The following PDE10A variants were observed in gnomAD, a reference collection of about 807,000 sequenced individuals.
PDE10A encodes phosphodiesterase 10A, also known as cAMP and cAMP-inhibited cGMP 3',5'-cyclic phosphodiesterase 10A.
In PDE10A, 39 loss-of-function variants were observed where a neutral mutation model predicts 97.7. The ratio of observed to expected loss-of-function variants is 0.40; its 90% confidence interval spans 0.31 to 0.52. The LOEUF (loss-of-function observed/expected upper bound fraction) is 0.52. Among genes scored for constraint, PDE10A ranks in the 20% least tolerant of loss-of-function variants. The pLI is 0.56. For missense variants in PDE10A, 731 were observed against 1,047.8 expected (o/e 0.70, Z 4.17); for synonymous variants, 371 against 376.8 (o/e 0.98, Z 0.18).
chr6:165,340,744 C>A (rs568129694), intron 19 of PDE10A, among the ~76,000 whole-genome samples: 1 of 152,322 alleles, frequency 6.6e-6, no homozygotes, highest in South Asian at 2.1e-4. Flanking sequence ...ATGCTCCAGG[C>A]AGAGACTGCA....
intron 1 of PDE10A, among the ~76,000 whole-genome samples, chr6:165,557,684 A>C (rs998183847): frequency 6.6e-6 from 1 of 152,176 alleles, no homozygotes; most frequent in Non-Finnish European, 1.5e-5. Context: ...TTATCAATTC[A>C]CCCAAGAATT....
chr6:165,678,250 TGTGTATCG>T, intron 1 of PDE10A, among the ~76,000 whole-genome samples: 1 of 151,062 alleles, frequency 6.6e-6, no homozygotes, highest in Admixed American at 6.6e-5. Flanking sequence ...TATCTGTGAA[TGTGTATCG>T]GTGTGTCTGT....
At chr6:165,502,162 C>T (rs901667793) in intron 2 of PDE10A, among the ~76,000 whole-genome samples, 5 of 152,080 alleles carry the variant, frequency 3.3e-5, no homozygotes, top group African/African-American at 9.7e-5. Context: ...AGGGTGAAAA[C>T]TGTAAAATGT....
chr6:165,619,517 GTGTAGTGTAGTGTAGT>G (rs1787994110), intron 1 of PDE10A, among the ~76,000 whole-genome samples: 1 of 128,392 alleles, frequency 7.8e-6, no homozygotes, highest in African/African-American at 2.9e-5. Context: ...GTGTAGTCTA[GTGTAGTGTAGTGTAGT>G]CTAATGTAGT....
In PDE10A at chr6:165,758,035, T is replaced by A. The variant is rs112711372; in HGVS notation, c.-614-214467A>T. Among the ~76,000 whole-genome samples, 39 of 152,362 alleles carry A rather than the reference T, an allele frequency of 2.6e-4. 1 individual carries two copies. The highest frequency in any genetic ancestry group is 3.4e-3 in the Middle Eastern group (1 of 294). The stretch of plus-strand genomic sequence containing the variant: ...GTATCCATATGTATTATTTCTTTGA[T>A]GAACATATATTCTTCACCTGAACTG... On this transcript the variant is annotated intron_variant, in intron 1 of 19. Transcript: ENST00000366882.
At chr6:165,334,813 A>G (rs959222751) in intron 21 of PDE10A, among the ~76,000 whole-genome samples, 1 of 152,164 alleles carries the variant, frequency 6.6e-6, no homozygotes, top group African/African-American at 2.4e-5. Context: ...GGAAGGAAGG[A>G]GAAACCGTTT....
intron 3 of PDE10A, among the ~76,000 whole-genome samples, chr6:165,479,800 A>C (rs1398523633): frequency 2.0e-5 from 3 of 152,206 alleles, no homozygotes; most frequent in Admixed American, 6.5e-5. Context: ...ATAGGTAAGA[A>C]GACAGGGAAA....
At chr6:165,552,952 A>G (rs1259647415) in intron 1 of PDE10A, among the ~76,000 whole-genome samples, 2 of 152,180 alleles carry the variant, frequency 1.3e-5, no homozygotes, top group East Asian at 3.9e-4. Flanking sequence ...CGGACCCACC[A>G]GGAATCCCAA....
In PDE10A at chr6:165,538,070, C is replaced by A. The variant is rs568433527; in HGVS notation, c.994+5370G>T. Among the ~76,000 whole-genome samples, 7 of 152,018 alleles carry A rather than the reference C, an allele frequency of 4.6e-5. No homozygotes were observed. In the East Asian group the frequency reaches 1.2e-3, roughly 25 times the overall value. On this transcript the variant is annotated intron_variant, in intron 2 of 21. Coordinates refer to ENST00000539869, the MANE Select transcript of PDE10A (RefSeq NM_001385079.1). ...CAGAAACCATCCGTTACATATTAAACCATACAAATGCAATTTAATCTGAAT... is the reference window on the plus strand; with the variant it reads ...CAGAAACCATCCGTTACATATTAAAACATACAAATGCAATTTAATCTGAAT...
intron 1 of PDE10A, among the ~76,000 whole-genome samples, chr6:165,689,902 G>C (rs746553147): frequency 3.3e-5 from 5 of 152,280 alleles, no homozygotes; most frequent in South Asian, 2.1e-4. Flanking sequence ...TTCTGCCACC[G>C]GGTGAGTACA....
At chr6:165,358,908 T>C (rs1206194902) in intron 18 of PDE10A, among the ~76,000 whole-genome samples, 1 of 151,274 alleles carries the variant, frequency 6.6e-6, no homozygotes, top group East Asian at 2.0e-4. Flanking sequence ...TTTACTCTTT[T>C]TACAGTTTCC....
At chr6:165,349,402 GC>G (rs1208916971) in intron 18 of PDE10A, among the ~76,000 whole-genome samples, 2 of 99,364 alleles carry the variant, frequency 2.0e-5, no homozygotes, top group Admixed American at 9.6e-5. Context: ...TGTTGCCCCT[GC>G]CCTAGGAACT....
At chr6:165,576,552 A>G in intron 1 of PDE10A, 1 of 705,900 alleles carries the variant, frequency 1.4e-6, no homozygotes, top group Non-Finnish European at 2.6e-6. Flanking sequence ...AAACAAAAAC[A>G]AAACAAAAAA....
At chr6:165,503,375 G>T (rs915894984) in intron 2 of PDE10A, among the ~76,000 whole-genome samples, 1 of 152,162 alleles carries the variant, frequency 6.6e-6, no homozygotes, top group African/African-American at 2.4e-5. Context: ...GGGCTGGATG[G>T]CAAGCAAACC....
chr6:165,647,867 A>G (rs1009014071), intron 1 of PDE10A, among the ~76,000 whole-genome samples: 35 of 152,156 alleles, frequency 2.3e-4, no homozygotes, highest in African/African-American at 8.4e-4. Context: ...AACACTTGCT[A>G]TATATTATCT....
intron 1 of PDE10A, among the ~76,000 whole-genome samples, chr6:165,872,413 T>G (rs910921812): frequency 6.6e-6 from 1 of 152,148 alleles, no homozygotes; most frequent in Non-Finnish European, 1.5e-5. Flanking sequence ...ACTGAACATG[T>G]TGGTGGGTCC....
chr6:165,961,748 C>T (rs759673245), intron 1 of PDE10A, among the ~76,000 whole-genome samples: 6 of 152,188 alleles, frequency 3.9e-5, no homozygotes, highest in African/African-American at 7.2e-5. Context: ...CAGAACAAAA[C>T]CACAATTCTT....
At chr6:165,786,554 G>A (rs1344304693) in intron 1 of PDE10A, among the ~76,000 whole-genome samples, 1 of 150,414 alleles carries the variant, frequency 6.6e-6, no homozygotes, top group African/African-American at 2.5e-5. Flanking sequence ...TGGGAAAACT[G>A]GGAGGTCATC....
rs1187462607 is a variant in PDE10A at position 165,433,118 on chromosome 6, A to C, written c.1347T>G (p.Phe449Leu). Reference sequence around the variant, plus strand: ...CTGATTCCAGTCCAGTACCTCTTGGAAATCGTTCATCCTGAAAAACAAAAA... The same window carrying C: ...CTGATTCCAGTCCAGTACCTCTTGGCAATCGTTCATCCTGAAAAACAAAAA... ...LVEDILGDER[F>L]PRGTGLESGT... Residue 449 changes from phenylalanine (F) to leucine (L), a missense_variant, in exon 7 of 22, where the codon TTT (phenylalanine) becomes TTG (leucine). By Grantham distance (22) the Phe-to-Leu change is conservative. This residue lies in a region of PDE10A where 152 missense variants were observed against 199.3 expected (regional missense o/e 0.76). Coordinates refer to ENST00000539869, the MANE Select transcript of PDE10A (RefSeq NM_001385079.1). 1 of 1,607,998 alleles carries C rather than the reference A, an allele frequency of 6.2e-7. No individual in the cohort carries two copies. The highest frequency in any genetic ancestry group is 8.5e-7 in the Non-Finnish European group (1 of 1,177,074).
Sources: gnomAD v4.1 joint callset for allele counts (sites outside exome capture counted in the v4.1 genomes callset) on GRCh38, gnomAD v4.1.1 for gene constraint, gnomAD v4.1.1 regional missense constraint, MANE v1.5 for transcripts, NCBI Gene and HGNC (gene_info 2026-07-23, HGNC 2026-07-21) for gene names.